Variants in RFX7 observed in about 807,000 individuals in gnomAD.
RFX7 encodes DNA-binding protein RFX7.
Under a neutral mutation model 111.8 loss-of-function variants are expected in RFX7, and 26 were observed. That is an observed-to-expected ratio of 0.23 (90% CI 0.17 to 0.32). The LOEUF is 0.32. Ranked by LOEUF, RFX7 falls within the 10% of genes least tolerant of loss-of-function variation. The pLI, the probability that RFX7 is intolerant of heterozygous loss-of-function variation, is 1.00. For missense variants in RFX7, 1,573 were observed against 1,772.9 expected, an observed-to-expected ratio of 0.89 and a Z score of 2.02; for synonymous variants, 624 against 624.4, an observed-to-expected ratio of 1.00 and a Z score of 0.01.
chr15:56,167,032 C>A (rs751386535), intron 3 of RFX7, among the ~76,000 whole-genome samples: 4 of 152,184 alleles, frequency 2.6e-5, no homozygotes, highest in Non-Finnish European at 4.4e-5. Flanking sequence ...GCCTTTTGTA[C>A]ACCACATGTT....
intron 3 of RFX7, among the ~76,000 whole-genome samples, chr15:56,157,127 A>G (rs1246376261): frequency 6.6e-6 from 1 of 152,332 alleles, no homozygotes; most frequent in African/African-American, 2.4e-5. Context: ...CTAGTGGTTG[A>G]AAGTGCTGCT....
intron 3 of RFX7, among the ~76,000 whole-genome samples, chr15:56,148,726 G>C (rs2042521438): frequency 6.6e-6 from 1 of 152,158 alleles, no homozygotes; most frequent in South Asian, 2.1e-4. Flanking sequence ...TTAGCTTGTA[G>C]TCATGTGATT....
chr15:56,109,019 TTCTCCCTCTCCC>T (rs142607700), intron 5 of RFX7, among the ~76,000 whole-genome samples: 5 of 150,624 alleles, frequency 3.3e-5, no homozygotes, highest in Non-Finnish European at 5.9e-5. Context: ...ACTACAAACC[TTCTCCCTCTCCC>T]TCTCCCTCTC....
At chr15:56,236,389 TTCC>T (rs1242963784) in intron 2 of RFX7, among the ~76,000 whole-genome samples, 1 of 152,188 alleles carries the variant, frequency 6.6e-6, no homozygotes, top group African/African-American at 2.4e-5. Flanking sequence ...AGGAAGATTC[TTCC>T]TCCTATTGGC....
chr15:56,105,767 G>C (rs1311736994), intron 5 of RFX7, among the ~76,000 whole-genome samples: 1 of 152,128 alleles, frequency 6.6e-6, no homozygotes, highest in Admixed American at 6.5e-5. Context: ...TAGTAGTTTA[G>C]TTTATTTGGG....
chr15:56,100,363 T>C (rs566302253), intron 8 of RFX7, among the ~76,000 whole-genome samples: 2 of 152,318 alleles, frequency 1.3e-5, no homozygotes, highest in Admixed American at 6.5e-5. Context: ...CAGGAAAAAC[T>C]CTGTGACACT....
At chr15:56,151,318 G>C (rs2042566258) in intron 3 of RFX7, among the ~76,000 whole-genome samples, 2 of 152,188 alleles carry the variant, frequency 1.3e-5, no homozygotes, top group Non-Finnish European at 1.5e-5. Flanking sequence ...AGAAAGGTCA[G>C]GTTACCCACA....
chr15:56,111,207 G>C lies in RFX7; in HGVS notation c.402-7537C>G, dbSNP rs560695728. ...AATGGCGGTTTTGTGGAATAGAAAG[G>C]GGGGAAAGGTGGGGAAAAGATTGAG... On this transcript the variant is annotated intron_variant, in intron 5 of 9. Coordinates refer to ENST00000559447, the MANE Select transcript of RFX7 (RefSeq NM_022841.7). Among the ~76,000 whole-genome samples the C allele has an allele frequency of 9.6e-5, 14 of 146,038 alleles. No individual in the cohort carries two copies. In the South Asian group the frequency reaches 1.4e-3, roughly 15 times the overall value.
At chr15:56,161,565 A>G (rs968528249) in intron 3 of RFX7, among the ~76,000 whole-genome samples, 40 of 152,104 alleles carry the variant, frequency 2.6e-4, no homozygotes, top group Admixed American at 5.2e-4. Flanking sequence ...TGCCTGTTTA[A>G]TACTTTAAAG....
chr15:56,240,508 AAC>A (rs1318420390), intron 2 of RFX7, among the ~76,000 whole-genome samples: 12 of 152,134 alleles, frequency 7.9e-5, no homozygotes, highest in African/African-American at 2.9e-4. Context: ...CAGTTTAATA[AAC>A]AGAGTAAATT....
At chr15:56,240,338 T>C (rs1409543413) in intron 2 of RFX7, among the ~76,000 whole-genome samples, 1 of 152,148 alleles carries the variant, frequency 6.6e-6, no homozygotes, top group Non-Finnish European at 1.5e-5. Context: ...AACCATATTA[T>C]AGAAACATAA....
Position 56,093,244 on chromosome 15 carries a change from G to A in RFX7, c.*101C>T. 1.9e-6 allele frequency: 2 copies of A among 1,077,008 alleles called. No homozygotes were observed. The highest frequency in any genetic ancestry group is 5.2e-5 in the East Asian group (2 of 38,742). 66.7% of individuals were successfully genotyped at this position (1,077,008 alleles called of 1,614,324 possible). A position where few individuals can be genotyped will look rare whatever the true frequency, so the allele number is the denominator to read the frequency against. On this transcript the variant is annotated 3_prime_UTR_variant, in exon 10 of 10. Transcript: ENST00000559447. ...CTTCTGCAGCAAACGCTTTTAAAATGTCACAATTAATAGTATTTCTGCTGC... is the reference window on the plus strand; with the variant it reads ...CTTCTGCAGCAAACGCTTTTAAAATATCACAATTAATAGTATTTCTGCTGC...
intron 2 of RFX7, among the ~76,000 whole-genome samples, chr15:56,229,095 T>A (rs1251711675): frequency 4.6e-5 from 7 of 152,120 alleles, no homozygotes; most frequent in African/African-American, 1.7e-4. Flanking sequence ...CTACTCAGAT[T>A]AGGGAGCAAT....
In RFX7 at chr15:56,167,729, AGCTT is replaced by A. The variant is rs2042799979; in HGVS notation, c.195+11537_195+11540del. Among the ~76,000 whole-genome samples, 4 of 152,202 alleles carry A rather than the reference AGCTT, an allele frequency of 2.6e-5. No homozygotes were observed. The South Asian group carries it at 8.3e-4, about 32-fold the overall frequency. Reference sequence around the variant, plus strand: ...CCAATAAACAGATAAATTTTTTCATAGCTTTAAAACTAGAAAAGTACTTTATATT... The same window carrying A: ...CCAATAAACAGATAAATTTTTTCATATAAAACTAGAAAAGTACTTTATATT... On this transcript the variant is annotated intron_variant, in intron 3 of 9. Transcript: ENST00000559447.
chr15:56,089,784 C>T lies in RFX7; in HGVS notation c.*3561G>A, dbSNP rs1191917789. On this transcript the variant is annotated 3_prime_UTR_variant, in exon 10 of 10. Coordinates refer to ENST00000559447, the MANE Select transcript of RFX7 (RefSeq NM_022841.7). The stretch of plus-strand genomic sequence containing the variant: ...CAGCTTTCATGGGAGCCTTCCTGCT[C>T]TTTACCTCTCCCTTCCTAATCTCCA... The T allele has an allele frequency of 6.6e-6, 1 of 152,110 alleles. No individual in the cohort carries two copies. The highest frequency in any genetic ancestry group is 1.5e-5 in the Non-Finnish European group (1 of 68,040). 9.4% of individuals were successfully genotyped at this position (152,110 alleles called of 1,614,324 possible).
intron 5 of RFX7, among the ~76,000 whole-genome samples, chr15:56,109,783 TGA>T (rs2041886717): frequency 6.7e-6 from 1 of 148,528 alleles, no homozygotes; most frequent in South Asian, 2.1e-4. Context: ...CCGCCCTGTC[TGA>T]GAAGTGAGGA....
chr15:56,101,517 ACTT>A lies in RFX7; in HGVS notation c.650_652del (p.Glu217del). On this transcript the variant is annotated inframe_deletion, in exon 8 of 10. Transcript: ENST00000559447. ...CACAAGACGGCAAGCAGAAGAGATA[ACTT>A]CTTCATCAATATTTTGAAGCTGCCC... 4 of 1,613,780 alleles carry A rather than the reference ACTT, an allele frequency of 2.5e-6. No individual in the cohort carries two copies. Among genetic ancestry groups the A allele is most frequent in the Non-Finnish European group, 3.4e-6 (4 of 1,179,784 alleles).
At chr15:56,163,154 GT>G (rs1311874952) in intron 3 of RFX7, among the ~76,000 whole-genome samples, 2 of 152,078 alleles carry the variant, frequency 1.3e-5, no homozygotes, top group Admixed American at 1.3e-4. Context: ...AGGATTTGAG[GT>G]GAGAAAGCAT....
intron 5 of RFX7, among the ~76,000 whole-genome samples, chr15:56,119,587 G>C (rs1453940074): frequency 6.6e-6 from 1 of 151,918 alleles, no homozygotes; most frequent in Admixed American, 6.6e-5. Context: ...GACCAGCCTG[G>C]CCAACATGGT....
Sources: gnomAD v4.1 joint callset for allele counts (sites outside exome capture counted in the v4.1 genomes callset) on GRCh38, gnomAD v4.1.1 for gene constraint, MANE v1.5 for transcripts, NCBI Gene and HGNC (gene_info 2026-07-23, HGNC 2026-07-21) for gene names.